The following SAFB variants were observed in gnomAD, a reference collection of about 807,000 sequenced individuals.
The protein encoded by SAFB is scaffold attachment factor B1.
SAFB carries 15 observed loss-of-function variants against 101.6 expected under a neutral mutation model. That is an observed-to-expected ratio of 0.15 (90% CI 0.10 to 0.23). The LOEUF (loss-of-function observed/expected upper bound fraction) is 0.23, where lower values mean the gene tolerates loss of function less well. SAFB is among the 10% of genes least tolerant of loss of function. The pLI is 1.00. For missense variants in SAFB, 930 were observed against 1,104.1 expected, an observed-to-expected ratio of 0.84 and a Z score of 2.23; for synonymous variants, 449 against 407.5, an observed-to-expected ratio of 1.10 and a Z score of -1.23.
chr19:5,641,661 A>G lies in SAFB; in HGVS notation c.339+3A>G. On this transcript the variant is annotated splice_donor_region_variant and intron_variant, in intron 3 of 20. Transcript: ENST00000588852. The stretch of plus-strand genomic sequence containing the variant: ...AGGAAAACTCTGGGGATGGACAGGT[A>G]TGTGCAGCCTTGCGAGTGAGTAGCG... The G allele has an allele frequency of 6.2e-7, 1 of 1,613,944 alleles. No individual in the cohort carries two copies. Among genetic ancestry groups the G allele is most frequent in the Non-Finnish European group, 8.5e-7 (1 of 1,179,924 alleles).
In SAFB at chr19:5,657,230, TG is replaced by T. The variant is rs762624900; in HGVS notation, c.1756-9del. ...TCTGCTTTAACTTTTTAATGTTCTT[TG>T]GTGAACTAGGCTTCCAAAAGCCAGG... On this transcript the variant is annotated splice_polypyrimidine_tract_variant and intron_variant, in intron 13 of 20. Transcript: ENST00000588852. 1.4e-5 allele frequency: 22 copies of T among 1,609,636 alleles called. No homozygotes were observed. Among genetic ancestry groups the T allele is most frequent in the Non-Finnish European group, 1.6e-5 (19 of 1,176,446 alleles).
intron 9 of SAFB, 109 bp downstream of exon 9, chr19:5,651,181 T>C (rs1302297609): frequency 1.5e-5 from 10 of 646,090 alleles, no homozygotes; most frequent in Admixed American, 8.9e-5. Context: ...CCAAGGAGCT[T>C]ACACTTGCTA....
intron 14 of SAFB, among the ~76,000 whole-genome samples, chr19:5,661,220 C>T (rs2054193982): frequency 6.6e-6 from 1 of 152,124 alleles, no homozygotes; most frequent in Admixed American, 6.5e-5. Context: ...CGCGCCCGGC[C>T]TGTTGCTTAT....
At chr19:5,633,122 A>C (rs1410281594) in intron 2 of SAFB, among the ~76,000 whole-genome samples, 1 of 152,090 alleles carries the variant, frequency 6.6e-6, no homozygotes, top group East Asian at 1.9e-4. Context: ...CTGTCTATTC[A>C]TTTATTCTGG....
At chr19:5,645,598 T>G (rs539064590) in intron 5 of SAFB, among the ~76,000 whole-genome samples, 199 bp downstream of exon 5, 1 of 152,362 alleles carries the variant, frequency 6.6e-6, no homozygotes, top group African/African-American at 2.4e-5. Flanking sequence ...AACTCTAGGC[T>G]TCGACGAGTG....
intron 2 of SAFB, among the ~76,000 whole-genome samples, chr19:5,631,021 G>A (rs991052926): frequency 7.2e-5 from 11 of 151,744 alleles, no homozygotes; most frequent in African/African-American, 2.7e-4. Context: ...GTGAAACCCC[G>A]TCTACTAAAA....
At chr19:5,625,913 G>C (rs1326407498) in intron 1 of SAFB, among the ~76,000 whole-genome samples, 1 of 152,198 alleles carries the variant, frequency 6.6e-6, no homozygotes, top group African/African-American at 2.4e-5. Flanking sequence ...TTAGTATTCT[G>C]TCCACACAGT....
intron 2 of SAFB, among the ~76,000 whole-genome samples, chr19:5,637,918 C>T (rs1240124999): frequency 6.6e-6 from 1 of 152,200 alleles, no homozygotes; most frequent in Non-Finnish European, 1.5e-5. Flanking sequence ...TTATTCTTCA[C>T]ATGGAAGACA....
intron 1 of SAFB, chr19:5,623,958 C>T (rs1276899470): frequency 1.3e-5 from 2 of 152,368 alleles, no homozygotes; most frequent in African/African-American, 2.4e-5. Flanking sequence ...CACCACAATC[C>T]AGTTTTCACG....
At chr19:5,636,059 C>G (rs939893743) in intron 2 of SAFB, among the ~76,000 whole-genome samples, 1 of 152,032 alleles carries the variant, frequency 6.6e-6, no homozygotes, top group Non-Finnish European at 1.5e-5. Context: ...ATTGCATGTT[C>G]TCTCGACATT....
intron 5 of SAFB, among the ~76,000 whole-genome samples, chr19:5,647,538 A>G (rs1483321813): frequency 6.6e-6 from 1 of 152,148 alleles, no homozygotes; most frequent in Non-Finnish European, 1.5e-5. Flanking sequence ...GGGTATTTAC[A>G]AAGTTTTTCA....
At chr19:5,641,141 A>C (rs2053703413) in intron 2 of SAFB, among the ~76,000 whole-genome samples, 1 of 152,160 alleles carries the variant, frequency 6.6e-6, no homozygotes, top group African/African-American at 2.4e-5. Flanking sequence ...AAGTGCTGGG[A>C]TTACAGGCGT....
chr19:5,659,695 GAAA>G (rs796338709), intron 14 of SAFB, among the ~76,000 whole-genome samples: 1 of 126,660 alleles, frequency 7.9e-6, no homozygotes, highest in African/African-American at 2.8e-5. Context: ...CCTTTAAAAA[GAAA>G]AAAAAAAAAA....
At chr19:5,662,097 G>C (rs544358447) in intron 15 of SAFB, among the ~76,000 whole-genome samples, 2 of 152,240 alleles carry the variant, frequency 1.3e-5, no homozygotes, top group Non-Finnish European at 1.5e-5. Context: ...GTGTTAGCCA[G>C]GATGGTCTCT....
At chr19:5,663,699 G>C (rs1023713256) in intron 15 of SAFB, among the ~76,000 whole-genome samples, 7 of 152,168 alleles carry the variant, frequency 4.6e-5, no homozygotes, top group African/African-American at 1.7e-4. Flanking sequence ...CGGGGTGGAG[G>C]CTCACGTGGT....
chr19:5,647,904 G>T, intron 5 of SAFB, 112 bp from the exon 6 acceptor site: 1 of 999,042 alleles, frequency 1.0e-6, no homozygotes. Context: ...GAGTTTGTGA[G>T]TTTCCCTCCC....
At chr19:5,664,697 CAT>C (rs1032597109) in intron 17 of SAFB, 5 of 436,776 alleles carry the variant, frequency 1.1e-5, no homozygotes, top group Non-Finnish European at 2.1e-5. Context: ...ACTCACCACA[CAT>C]GTGCAACAGT....
chr19:5,635,087 G>A (rs2053567764), intron 2 of SAFB, among the ~76,000 whole-genome samples: 1 of 152,062 alleles, frequency 6.6e-6, no homozygotes, highest in Non-Finnish European at 1.5e-5. Flanking sequence ...CCGGTGAGCC[G>A]AGATCACGCC....
chr19:5,644,627 C>T (rs900538705), intron 4 of SAFB, among the ~76,000 whole-genome samples: 1 of 152,188 alleles, frequency 6.6e-6, no homozygotes, highest in Non-Finnish European at 1.5e-5. Context: ...GATAAAAATA[C>T]ATGCTGGTTA....
Sources: allele counts gnomAD v4.1 joint callset (sites outside exome capture counted in the v4.1 genomes callset), GRCh38; gene constraint gnomAD v4.1.1; transcripts MANE v1.5; gene names NCBI Gene and HGNC (gene_info 2026-07-23, HGNC 2026-07-21).